Variants in NPAS3 observed in about 807,000 individuals in gnomAD.
The protein encoded by NPAS3 is neuronal PAS domain protein 3, also known as neuronal PAS domain-containing protein 3.
In NPAS3, 14 loss-of-function variants were observed where a neutral mutation model predicts 73.1. That is an observed-to-expected ratio of 0.19 (90% CI 0.13 to 0.30). The LOEUF is 0.30. Among genes scored for constraint, NPAS3 ranks in the 10% least tolerant of loss-of-function variants. The pLI, the probability that NPAS3 is intolerant of heterozygous loss-of-function variation, is 1.00. For missense variants in NPAS3, 1,096 were observed against 1,250.0 expected, an observed-to-expected ratio of 0.88 and a Z score of 1.86; for synonymous variants, 620 against 541.5, an observed-to-expected ratio of 1.14 and a Z score of -2.01.
chr14:32,938,524 A>AGAGAGG (rs755281473), upstream of NPAS3, among the ~76,000 whole-genome samples: 1 of 97,400 alleles, frequency 1.0e-5, no homozygotes, highest in Non-Finnish European at 2.1e-5. Flanking sequence ...AGAGAGAGAG[A>AGAGAGG]AGGGGGGGGA....
At chr14:33,135,314 G>T (rs1227692490) in intron 2 of NPAS3, among the ~76,000 whole-genome samples, 2 of 152,150 alleles carry the variant, frequency 1.3e-5, no homozygotes, top group Admixed American at 6.5e-5. Flanking sequence ...TAGCTGGTAA[G>T]GTAGGGATTC....
At chr14:33,668,714 G>A (rs2059526324) in intron 5 of NPAS3, among the ~76,000 whole-genome samples, 1 of 152,138 alleles carries the variant, frequency 6.6e-6, no homozygotes, top group Admixed American at 6.5e-5. Flanking sequence ...AACTACTCCA[G>A]AGGCTGAGAC....
intron 1 of NPAS3, among the ~76,000 whole-genome samples, chr14:32,954,295 T>C (rs2036592533): frequency 6.6e-6 from 1 of 152,184 alleles, no homozygotes; most frequent in Non-Finnish European, 1.5e-5. Context: ...TTGGTGTTTG[T>C]CCTCTTTTGT....
chr14:33,759,212 CA>C (rs2062207803), intron 7 of NPAS3, among the ~76,000 whole-genome samples: 1 of 152,124 alleles, frequency 6.6e-6, no homozygotes, highest in Admixed American at 6.5e-5. Flanking sequence ...TTAAAGAAGC[CA>C]AACATACATA....
At position 33,588,625 on chromosome 14, in the gene NPAS3, T is replaced by C. The variant is rs76468753; in HGVS notation, c.558+28415T>C. Among the ~76,000 whole-genome samples the C allele has an allele frequency of 0.015, 2,297 of 152,284 alleles. 103 individuals are homozygous for C. The East Asian group carries it at 0.19, about 13-fold the overall frequency. On this transcript the variant is annotated intron_variant, in intron 5 of 11. Coordinates refer to ENST00000356141, the Ensembl canonical transcript of NPAS3. ...GTTTTATCATAAAAGATTTTGTTGT[T>C]GCTGCTGAGATGGAGTCTCACTCTG... is the stretch of plus-strand genomic sequence containing the variant.
intron 2 of NPAS3, among the ~76,000 whole-genome samples, chr14:33,203,406 A>G (rs1047426039): frequency 6.6e-6 from 1 of 152,082 alleles, no homozygotes; most frequent in Non-Finnish European, 1.5e-5. Flanking sequence ...GTATGTATAC[A>G]TGTGCCATGT....
rs189038924 is a variant in NPAS3 at position 33,079,390 on chromosome 14, C to T, written c.140+23396C>T. Among the ~76,000 whole-genome samples the T allele has an allele frequency of 2.1e-5, 3 of 144,118 alleles. No individual in the cohort carries two copies. The East Asian group carries it at 6.5e-4, about 31-fold the overall frequency. The allele number at this position is 144,118 out of a possible 152,430, so 94.5% of individuals were successfully genotyped here. ...CTGGAGTGCAGTGGCATGATCTCGGCTCACTGCAACCTCCGCCTCCCGAGT... is the reference window on the plus strand; with the variant it reads ...CTGGAGTGCAGTGGCATGATCTCGGTTCACTGCAACCTCCGCCTCCCGAGT... On this transcript the variant is annotated intron_variant, in intron 2 of 11. Coordinates refer to ENST00000356141, the Ensembl canonical transcript of NPAS3.
intron 1 of NPAS3, among the ~76,000 whole-genome samples, chr14:33,013,059 G>A (rs17099891): frequency 0.59 from 89,569 of 151,926 alleles, 27,796 homozygotes; most frequent in Non-Finnish European, 0.7. Context: ...CTTCTCCACT[G>A]GACCTTTGTC....
intron 4 of NPAS3, among the ~76,000 whole-genome samples, chr14:33,387,272 C>T (rs1446396630): frequency 6.6e-6 from 1 of 152,126 alleles, no homozygotes; most frequent in African/African-American, 2.4e-5. Flanking sequence ...GGCCACACTT[C>T]CACAGAGGCA....
At chr14:33,625,343 T>C (rs1218912723) in intron 5 of NPAS3, among the ~76,000 whole-genome samples, 1 of 152,210 alleles carries the variant, frequency 6.6e-6, no homozygotes, top group Non-Finnish European at 1.5e-5. Flanking sequence ...TTAGTCAACA[T>C]ACAGGAAATT....
At chr14:33,608,869 A>G (rs1048070422) in intron 5 of NPAS3, among the ~76,000 whole-genome samples, 5 of 152,194 alleles carry the variant, frequency 3.3e-5, no homozygotes, top group African/African-American at 1.2e-4. Flanking sequence ...AGTGCATGCT[A>G]TATTCAAGTC....
chr14:33,331,605 T>C (rs1448420933), intron 3 of NPAS3, among the ~76,000 whole-genome samples: 2 of 151,970 alleles, frequency 1.3e-5, no homozygotes, highest in Non-Finnish European at 2.9e-5. Context: ...TATTACTGTT[T>C]CTGGGACTCC....
chr14:33,042,388 G>C (rs371980115), intron 1 of NPAS3, among the ~76,000 whole-genome samples: 2 of 152,078 alleles, frequency 1.3e-5, no homozygotes, highest in South Asian at 4.1e-4. Context: ...TTTCATAATG[G>C]GAAAGACGAA....
chr14:33,188,388 G>T (rs1264029098), intron 2 of NPAS3, among the ~76,000 whole-genome samples: 1 of 152,126 alleles, frequency 6.6e-6, no homozygotes, highest in Non-Finnish European at 1.5e-5. Context: ...ATAAATGAAT[G>T]CTTGAATGAA....
At chr14:33,311,125 C>T (rs1421070119) in intron 3 of NPAS3, among the ~76,000 whole-genome samples, 4 of 152,048 alleles carry the variant, frequency 2.6e-5, no homozygotes, top group Admixed American at 6.6e-5. Flanking sequence ...TATGGAGTGT[C>T]ACAGAATATT....
Position 33,800,124 on chromosome 14 carries a change from G to A in NPAS3, c.1817G>A (p.Arg606Gln), listed in dbSNP as rs763077259. Residue 606 changes from arginine to glutamine, a missense_variant, in exon 12 of 12, where the codon CGG becomes CAG. By Grantham distance (43) the Arg-to-Gln change is conservative (BLOSUM62 1). This residue lies in a region of NPAS3 where 698 missense variants were observed against 676.7 expected (regional missense o/e 1.03). Transcript: ENST00000356141. The surrounding 1 kb of genome is among the most constrained non-coding windows in gnomAD (Gnocchi z 6.5). ...CAGAAGCGCAAGAAAAGGCGGAAAC[G>A]GCAAAAGGGCGGCAGCGCCAGCCGC... 3 of 1,582,546 alleles carry A rather than the reference G, an allele frequency of 1.9e-6. No homozygotes were observed. The highest frequency in any genetic ancestry group is 2.6e-6 in the Non-Finnish European group (3 of 1,166,590).
At chr14:33,066,739 A>G (rs1454069771) in intron 2 of NPAS3, among the ~76,000 whole-genome samples, 1 of 152,208 alleles carries the variant, frequency 6.6e-6, no homozygotes, top group Non-Finnish European at 1.5e-5. Context: ...ACATTCTTTG[A>G]TGCCAGGGCC....
intron 1 of NPAS3, among the ~76,000 whole-genome samples, chr14:32,979,752 A>G (rs1478117438): frequency 6.6e-6 from 1 of 152,128 alleles, no homozygotes; most frequent in Non-Finnish European, 1.5e-5. Context: ...TGAAATTTTC[A>G]CTTTTTTTCT....
At chr14:33,388,062 G>A (rs1204391309) in intron 4 of NPAS3, among the ~76,000 whole-genome samples, 1 of 152,024 alleles carries the variant, frequency 6.6e-6, no homozygotes, top group Non-Finnish European at 1.5e-5. Context: ...ACCTTCACTG[G>A]TGAATGTGGT....
Sources: gnomAD v4.1 joint callset for allele counts (sites outside exome capture counted in the v4.1 genomes callset) on GRCh38, gnomAD v4.1.1 for gene constraint, gnomAD v4.1.1 regional missense constraint, Gnocchi (gnomAD v3.1) non-coding constraint, MANE v1.5 for transcripts, NCBI Gene and HGNC (gene_info 2026-07-23, HGNC 2026-07-21) for gene names.